ERAP1: variants seen among roughly 807,000 people sequenced by gnomAD.
ERAP1 encodes endoplasmic reticulum aminopeptidase 1, also known as adipocyte-derived leucine aminopeptidase.
A neutral mutation model predicts 103.7 loss-of-function variants in ERAP1; 86 were observed. The observed-to-expected ratio is 0.83, with a 90% confidence interval of 0.70 to 0.99. The LOEUF (loss-of-function observed/expected upper bound fraction) is 0.99. ERAP1 is among the 50% of genes least tolerant of loss of function. ERAP1 has a pLI of 0.00. For synonymous variants in ERAP1, 398 were observed against 402.4 expected (o/e 0.99, Z 0.13); for missense variants, 1,009 against 1,128.4 (o/e 0.89, Z 1.52).
At chr5:96,851,338 G>A in the ERAP1 span, among the ~76,000 whole-genome samples, 23 of 152,232 alleles carry the variant, frequency 1.5e-4, no homozygotes, top group African/African-American at 4.1e-4. Context: ...CTCACATCCC[G>A]TGTCTCCTTT....
At chr5:96,816,380 G>A in the ERAP1 span, among the ~76,000 whole-genome samples, 1 of 152,172 alleles carries the variant, frequency 6.6e-6, no homozygotes, top group Non-Finnish European at 1.5e-5. Flanking sequence ...AGGGAGAAGG[G>A]ACAGAAAGGA....
chr5:96,931,060 C>T, the ERAP1 span, among the ~76,000 whole-genome samples: 1 of 152,104 alleles, frequency 6.6e-6, no homozygotes, highest in Non-Finnish European at 1.5e-5. Context: ...AATGGGCAGC[C>T]AGAGGCAACA....
intron 11 of ERAP1, among the ~76,000 whole-genome samples, chr5:96,787,408 G>T (rs938890924): frequency 2.6e-5 from 4 of 152,124 alleles, no homozygotes; most frequent in Non-Finnish European, 5.9e-5. Flanking sequence ...TGGGACTACA[G>T]GCGCCCGCCA....
At chr5:96,874,316 T>C in the ERAP1 span, among the ~76,000 whole-genome samples, 1 of 152,226 alleles carries the variant, frequency 6.6e-6, no homozygotes. Context: ...CATAGCCTGT[T>C]TCTTCATTCT....
the ERAP1 span, chr5:96,917,617 A>T: frequency 1.6e-5 from 26 of 1,607,390 alleles, no homozygotes; most frequent in Middle Eastern, 1.8e-3. Flanking sequence ...TGGTCAATAG[A>T]AAAAGTAGGC....
chr5:96,797,292 A>T lies in ERAP1; in HGVS notation c.681T>A (p.Val227=). 6.2e-7 allele frequency: 1 copy of T among 1,614,198 alleles called. No homozygotes were observed. The highest frequency in any genetic ancestry group is 2.2e-5 in the East Asian group (1 of 44,880). ...AATGGTCTTCTATGAGTCCTTCAGCAACAGTCACAGATTTCACCTAAAATC... is the reference window on the plus strand; with the variant it reads ...AATGGTCTTCTATGAGTCCTTCAGCTACAGTCACAGATTTCACCTAAAATC... The part of the protein sequence containing the change: ...SNMPLVKSVT[V]AEGLIEDHFD... Residue 227 remains valine, a synonymous_variant, in exon 4 of 19, where the codon GTT becomes GTA. Transcript: ENST00000443439.
chr5:96,820,985 GAGA>G, the ERAP1 span, among the ~76,000 whole-genome samples: 3 of 152,152 alleles, frequency 2.0e-5, no homozygotes, highest in Admixed American at 6.5e-5. Flanking sequence ...GAGAGGAAGA[GAGA>G]AGAAGAGAGA....
At chr5:96,880,901 G>A in the ERAP1 span, 7 of 160,626 alleles carry the variant, frequency 4.4e-5, no homozygotes, top group African/African-American at 1.4e-4. Context: ...CAAGGTGCAA[G>A]AAAGGTAGAA....
chr5:96,884,067 T>A, the ERAP1 span: 3 of 657,778 alleles, frequency 4.6e-6, no homozygotes, highest in African/African-American at 3.9e-5. Context: ...TCTATCTATC[T>A]ATCTATCTAT....
At chr5:96,886,539 C>G in the ERAP1 span, 1 of 796,858 alleles carries the variant, frequency 1.3e-6, no homozygotes, top group Non-Finnish European at 1.8e-6. Context: ...CCTAGGAGGT[C>G]ATCGATTGTC....
At chr5:96,800,812 A>G in intron 3 of ERAP1, 50 bp downstream of exon 3, 1 of 1,605,696 alleles carries the variant, frequency 6.2e-7, no homozygotes. Context: ...TGCAAGTCAC[A>G]GAGAATCAGT....
chr5:96,916,091 C>T, the ERAP1 span, among the ~76,000 whole-genome samples: 5 of 151,908 alleles, frequency 3.3e-5, no homozygotes, highest in African/African-American at 9.7e-5. Flanking sequence ...TGTGGTGGCA[C>T]GCACCTGTAG....
chr5:96,927,463 T>A, the ERAP1 span, among the ~76,000 whole-genome samples: 2 of 152,290 alleles, frequency 1.3e-5, no homozygotes, highest in South Asian at 4.1e-4. Context: ...TTTGGAGAAA[T>A]AATATTCAGA....
chr5:96,783,261 G>A, intron 14 of ERAP1, 26 bp from the exon 15 acceptor site: 7 of 1,593,878 alleles, frequency 4.4e-6, no homozygotes, highest in Non-Finnish European at 5.1e-6. Context: ...AGGGAAACAG[G>A]GACCAGTATT....
At chr5:96,910,713 T>A in the ERAP1 span, among the ~76,000 whole-genome samples, 1 of 152,218 alleles carries the variant, frequency 6.6e-6, no homozygotes, top group African/African-American at 2.4e-5. Context: ...ATGCTCACAA[T>A]CAAAAATATG....
At position 96,774,584 on chromosome 5, in the gene ERAP1, AAGAT is replaced by A; in HGVS notation, c.*1808_*1811del. ...AAATGGGCTTTTCCAAAAGCAAACA[AAGAT>A]AGGTTCCTCAGGTGACCAAAACTGA... On this transcript the variant is annotated 3_prime_UTR_variant, in exon 19 of 19. Coordinates refer to ENST00000443439, the MANE Select transcript of ERAP1 (RefSeq NM_001040458.3). The A allele has an allele frequency of 1.0e-6, 1 of 985,626 alleles. No homozygotes were observed. The highest frequency in any genetic ancestry group is 1.2e-6 in the Non-Finnish European group (1 of 829,870). The allele number at this position is 985,626 out of a possible 1,614,324, so 61.1% of individuals were successfully genotyped here.
the ERAP1 span, among the ~76,000 whole-genome samples, chr5:96,851,305 TAATC>T: frequency 6.6e-6 from 1 of 152,204 alleles, no homozygotes; most frequent in Non-Finnish European, 1.5e-5. Context: ...TTGGTTTCCT[TAATC>T]AGGCTGCACT....
the ERAP1 span, among the ~76,000 whole-genome samples, chr5:96,890,152 C>T: frequency 2.0e-5 from 3 of 152,058 alleles, no homozygotes; most frequent in African/African-American, 7.2e-5. Flanking sequence ...AAATAAAAAA[C>T]GTTATTTTTA....
the ERAP1 span, among the ~76,000 whole-genome samples, chr5:96,825,799 A>G: frequency 3.3e-5 from 5 of 152,246 alleles, no homozygotes; most frequent in East Asian, 7.7e-4. Flanking sequence ...ATACCACTGT[A>G]TAAGAAAAAA....
Sources: allele counts gnomAD v4.1 joint callset (sites outside exome capture counted in the v4.1 genomes callset), GRCh38; gene constraint gnomAD v4.1.1; transcripts MANE v1.5; gene names NCBI Gene and HGNC (gene_info 2026-07-23, HGNC 2026-07-21).